Variants in CFDP1 observed in about 807,000 individuals in gnomAD.
The protein encoded by CFDP1 is chromatin remodeling protein CFDP1, also known as heterochromatin-stabilizing protein CFDP1.
In CFDP1, 31 loss-of-function variants were observed where a neutral mutation model predicts 40.1. The ratio of observed to expected loss-of-function variants is 0.77; its 90% CI spans 0.58 to 1.04. CFDP1 has a LOEUF of 1.04. Among genes scored for constraint, CFDP1 ranks in the 50% least tolerant of loss-of-function variants. The probability of loss-of-function intolerance (pLI) is 0.00; values close to 1 mark genes in which losing one functional copy is unlikely to be tolerated. For synonymous variants in CFDP1, 167 were observed against 120.0 expected (o/e 1.39, Z -2.56); for missense variants, 423 against 343.4 (o/e 1.23, Z -1.83).
At chr16:75,421,336 G>C (rs2079277502) in intron 1 of CFDP1, among the ~76,000 whole-genome samples, 1 of 152,044 alleles carries the variant, frequency 6.6e-6, no homozygotes, top group Non-Finnish European at 1.5e-5. Flanking sequence ...TGTGGGACAA[G>C]GACTCCATCT....
At chr16:75,392,440 A>T (rs934181675) in intron 5 of CFDP1, among the ~76,000 whole-genome samples, 2 of 150,882 alleles carry the variant, frequency 1.3e-5, no homozygotes, top group African/African-American at 4.9e-5. Context: ...AAAAAAAAAC[A>T]GCTTGTTACC....
intron 5 of CFDP1, among the ~76,000 whole-genome samples, chr16:75,350,788 G>C (rs1388605005): frequency 6.6e-6 from 1 of 152,070 alleles, no homozygotes; most frequent in East Asian, 1.9e-4. Flanking sequence ...ATGAAAAAAA[G>C]TAGAGAAAAT....
At chr16:75,371,888 G>A (rs1469318216) in intron 5 of CFDP1, among the ~76,000 whole-genome samples, 2 of 152,030 alleles carry the variant, frequency 1.3e-5, no homozygotes, top group Admixed American at 6.6e-5. Flanking sequence ...GTCCTAATAC[G>A]AACTAGTAAG....
At chr16:75,392,255 A>G (rs934153169) in intron 5 of CFDP1, among the ~76,000 whole-genome samples, 1 of 151,754 alleles carries the variant, frequency 6.6e-6, no homozygotes, top group African/African-American at 2.4e-5. Context: ...AATACAAAAA[A>G]TTAGCCAGGC....
chr16:75,360,109 C>A (rs948871527), intron 5 of CFDP1, among the ~76,000 whole-genome samples: 1 of 152,114 alleles, frequency 6.6e-6, no homozygotes, highest in Non-Finnish European at 1.5e-5. Context: ...GGCAGCCTGT[C>A]TTGAACTTCT....
chr16:75,378,803 C>T (rs1400021106), intron 5 of CFDP1, among the ~76,000 whole-genome samples: 1 of 152,168 alleles, frequency 6.6e-6, no homozygotes, highest in African/African-American at 2.4e-5. Flanking sequence ...AGATACTGGT[C>T]TTTCCAAGTG....
At chr16:75,404,040 G>A (rs1182456824) in intron 4 of CFDP1, among the ~76,000 whole-genome samples, 1 of 151,702 alleles carries the variant, frequency 6.6e-6, no homozygotes, top group East Asian at 2.0e-4. Flanking sequence ...GCTAAGGCAG[G>A]AGAATCGCTT....
At chr16:75,415,887 C>T (rs1400909920) in intron 1 of CFDP1, among the ~76,000 whole-genome samples, 2 of 152,168 alleles carry the variant, frequency 1.3e-5, no homozygotes, top group African/African-American at 4.8e-5. Context: ...GAGTCTTGCT[C>T]TGTCACCCAG....
chr16:75,398,338 T>C (rs2079015352), intron 4 of CFDP1, among the ~76,000 whole-genome samples: 2 of 152,198 alleles, frequency 1.3e-5, no homozygotes, highest in South Asian at 4.1e-4. Context: ...ATTCCAAAGA[T>C]GGTTGCCACA....
chr16:75,349,721 T>A (rs2078597433), intron 5 of CFDP1, among the ~76,000 whole-genome samples: 1 of 108,352 alleles, frequency 9.2e-6, no homozygotes. Context: ...ACGGTTGATT[T>A]TTACATATTG....
At chr16:75,366,188 A>AT (rs2078712491) in intron 5 of CFDP1, among the ~76,000 whole-genome samples, 1 of 152,304 alleles carries the variant, frequency 6.6e-6, no homozygotes, top group Non-Finnish European at 1.5e-5. Context: ...AAAGTACAAT[A>AT]TTTTTTAGCA....
intron 5 of CFDP1, among the ~76,000 whole-genome samples, chr16:75,383,471 T>A (rs2078867738): frequency 6.6e-6 from 1 of 152,142 alleles, no homozygotes; most frequent in Non-Finnish European, 1.5e-5. Context: ...GATAGTACTT[T>A]CCAACACAAA....
chr16:75,375,263 A>G (rs1174030040), intron 5 of CFDP1, among the ~76,000 whole-genome samples: 1 of 152,216 alleles, frequency 6.6e-6, no homozygotes, highest in Non-Finnish European at 1.5e-5. Flanking sequence ...CACCAAAAAA[A>G]TGAATAAGCA....
At chr16:75,323,166 CCT>C (rs1491417824) in intron 5 of CFDP1, among the ~76,000 whole-genome samples, 2 of 151,282 alleles carry the variant, frequency 1.3e-5, no homozygotes, top group Admixed American at 6.6e-5. Flanking sequence ...TTCTTTATAC[CCT>C]GTTTCTGTAA....
chr16:75,297,226 G>A (rs2078190118), intron 6 of CFDP1, among the ~76,000 whole-genome samples: 1 of 148,796 alleles, frequency 6.7e-6, no homozygotes. Flanking sequence ...TGCCATGTTG[G>A]TCAGGCTGGT....
chr16:75,357,777 T>C (rs1441923261), intron 5 of CFDP1, among the ~76,000 whole-genome samples: 7 of 152,226 alleles, frequency 4.6e-5, no homozygotes, highest in African/African-American at 1.7e-4. Flanking sequence ...TTCTTATCAT[T>C]TGTGCGTTCA....
At chr16:75,348,000 A>G (rs925191560) in intron 5 of CFDP1, among the ~76,000 whole-genome samples, 10 of 152,258 alleles carry the variant, frequency 6.6e-5, no homozygotes, top group Non-Finnish European at 1.5e-4. Flanking sequence ...CTAAGGAGAC[A>G]TGACAACTAA....
At chr16:75,384,451 A>T (rs1031164573) in intron 5 of CFDP1, among the ~76,000 whole-genome samples, 4 of 152,330 alleles carry the variant, frequency 2.6e-5, no homozygotes, top group Admixed American at 2.0e-4. Flanking sequence ...ATCGTGGAGA[A>T]ATGCAGATAA....
chr16:75,362,814 T>G (rs1441330028), intron 5 of CFDP1: 2 of 152,204 alleles, frequency 1.3e-5, no homozygotes, highest in Non-Finnish European at 2.9e-5. Context: ...ACACTAATTC[T>G]TTTTATAAAC....
Sources: gnomAD v4.1 joint callset for allele counts (sites outside exome capture counted in the v4.1 genomes callset) on GRCh38, gnomAD v4.1.1 for gene constraint, MANE v1.5 for transcripts, NCBI Gene and HGNC (gene_info 2026-07-23, HGNC 2026-07-21) for gene names.